The following BCL6 variants were observed in gnomAD, a reference collection of about 807,000 sequenced individuals.
BCL6 encodes B-cell lymphoma 6 protein.
In BCL6, 7 loss-of-function variants were observed where a neutral mutation model predicts 59.5. The observed-to-expected ratio is 0.12, with a 90% CI of 0.07 to 0.22. The LOEUF is 0.22. Ranked by LOEUF, BCL6 falls within the 10% of genes least tolerant of loss-of-function variation. The pLI is 1.00. For synonymous variants in BCL6, 339 were observed against 349.7 expected (o/e 0.97, Z 0.34); for missense variants, 685 against 939.4 (o/e 0.73, Z 3.54).
chr3:187,740,090 A>C (rs1711534146), intron 1 of BCL6, among the ~76,000 whole-genome samples: 1 of 152,192 alleles, frequency 6.6e-6, no homozygotes, highest in Non-Finnish European at 1.5e-5. Context: ...CTCCCCCTGC[A>C]GAGCGCGCCT....
At chr3:187,745,078 TG>T (rs1711864300) in intron 1 of BCL6, among the ~76,000 whole-genome samples, 1 of 150,606 alleles carries the variant, frequency 6.6e-6, no homozygotes, top group Admixed American at 6.6e-5. Flanking sequence ...CAAGGGAGGG[TG>T]GCAAAAGCCT....
Position 187,725,174 on chromosome 3 carries a change from C to T in BCL6, c.1840-96G>A, listed in dbSNP as rs778900018. The T allele has an allele frequency of 5.2e-6, 8 of 1,536,348 alleles. No homozygotes were observed. The African/African-American group carries it at 6.8e-5, about 13-fold the overall frequency. On this transcript the variant is annotated intron_variant, in intron 8 of 9. Transcript: ENST00000406870. The surrounding 1 kb of genome is among the most constrained non-coding windows in gnomAD (Gnocchi z 4.7). Reference sequence around the variant, plus strand: ...ACACAGCCAGTGAGTGGGCCTTTCTCCAGGCCACTCTGCTCACCTGCACAC... The same window carrying T: ...ACACAGCCAGTGAGTGGGCCTTTCTTCAGGCCACTCTGCTCACCTGCACAC...
chr3:187,733,973 TA>T (rs893081691), intron 2 of BCL6: 11 of 453,450 alleles, frequency 2.4e-5, no homozygotes, highest in African/African-American at 1.8e-4. Flanking sequence ...TTTTCCCACA[TA>T]CCAAATACTC....
chr3:187,736,593 T>C (rs1719292555), intron 1 of BCL6: 1 of 152,222 alleles, frequency 6.6e-6, no homozygotes, highest in Admixed American at 6.5e-5. Context: ...AGATGCGGAT[T>C]GAAACAAACA....
chr3:187,743,146 C>T (rs958964756), intron 1 of BCL6, among the ~76,000 whole-genome samples: 15 of 152,122 alleles, frequency 9.9e-5, no homozygotes, highest in African/African-American at 3.6e-4. Context: ...CTAAACAGCC[C>T]TTTCCCTGGT....
At position 187,744,813 on chromosome 3, in the gene BCL6, C is replaced by G. The variant is rs185703861; in HGVS notation, c.-50+597G>C. Among the ~76,000 whole-genome samples the G allele has an allele frequency of 4.0e-5, 6 of 151,866 alleles. No homozygotes were observed. The East Asian group carries it at 5.8e-4, about 15-fold the overall frequency. ...GAAGCGGAGGCCAGGAGCGACGGAG[C>G]AAGGAAAGCAGTTTGCAAGCGAGAA... On this transcript the variant is annotated intron_variant, in intron 1 of 9. Transcript: ENST00000406870.
chr3:187,731,630 G>T, intron 4 of BCL6, 79 bp downstream of exon 4: 4 of 1,380,404 alleles, frequency 2.9e-6, no homozygotes, highest in Admixed American at 1.8e-5. Flanking sequence ...TATTTTTTCT[G>T]TATGCATGAA....
At chr3:187,736,548 C>T (rs892378249) in intron 1 of BCL6, 3 of 152,194 alleles carry the variant, frequency 2.0e-5, no homozygotes, top group Non-Finnish European at 4.4e-5. Flanking sequence ...CCCAGATTTG[C>T]CATTTCACCA....
intron 1 of BCL6, among the ~76,000 whole-genome samples, chr3:187,744,886 T>A (rs116216672): frequency 8.5e-5 from 13 of 152,052 alleles, no homozygotes; most frequent in South Asian, 4.2e-4. Flanking sequence ...TCACAAGCCG[T>A]ACGCAAGCAG....
At position 187,725,132 on chromosome 3, in the gene BCL6, G is replaced by A; in HGVS notation, c.1840-54C>T. ...TTCTGGGGTGGGCTGCAGGCCTCTGGGCAGCCCCTCATTAGCACACAGCCA... is the reference window on the plus strand; with the variant it reads ...TTCTGGGGTGGGCTGCAGGCCTCTGAGCAGCCCCTCATTAGCACACAGCCA... On this transcript the variant is annotated intron_variant, in intron 8 of 9. Transcript: ENST00000406870. This position sits in a 1 kb window ranked among gnomAD's most constrained non-coding sequence, Gnocchi z 4.7. The A allele has an allele frequency of 6.2e-7, 1 of 1,608,640 alleles. No homozygotes were observed. The highest frequency in any genetic ancestry group is 8.5e-7 in the Non-Finnish European group (1 of 1,177,194).
Position 187,725,016 on chromosome 3 carries a change from G to A in BCL6, c.1902C>T (p.Ile634=). 1 of 1,614,256 alleles carries A rather than the reference G, an allele frequency of 6.2e-7. No individual in the cohort carries two copies. The highest frequency in any genetic ancestry group is 8.5e-7 in the Non-Finnish European group (1 of 1,180,034). Residue 634 remains isoleucine (I), a synonymous_variant, in exon 9 of 10, where the codon ATC becomes ATT. Transcript: ENST00000406870. The surrounding 1 kb of genome is among the most constrained non-coding windows in gnomAD (Gnocchi z 4.7). The part of the protein sequence containing the change: ...HTGEKPYPCE[I]CGTRFRHLQT... Reference sequence around the variant, plus strand: ...GAAGGTGCCGGAAACGGGTGCCACAGATTTCACAGGGATAGGGCTTCTCAC... The same window carrying A: ...GAAGGTGCCGGAAACGGGTGCCACAAATTTCACAGGGATAGGGCTTCTCAC...
chr3:187,724,820 C>CT (rs1718590485), intron 9 of BCL6, 121 bp downstream of exon 9: 12 of 1,416,184 alleles, frequency 8.5e-6, no homozygotes, highest in Non-Finnish European at 1.1e-5. Flanking sequence ...CCACTGTGTG[C>CT]TTGAGATGGG....
chr3:187,736,090 C>T (rs913132022), intron 1 of BCL6: 1 of 152,168 alleles, frequency 6.6e-6, no homozygotes, highest in Non-Finnish European at 1.5e-5. Context: ...TGAGTCTTAC[C>T]AAATGAGCAC....
At chr3:187,728,215 G>A (rs1231515561) in intron 6 of BCL6, 145 bp downstream of exon 6, 21 of 859,396 alleles carry the variant, frequency 2.4e-5, no homozygotes, top group East Asian at 6.0e-5. Flanking sequence ...TGGGATGAAC[G>A]GCTGGTGACT....
chr3:187,727,045 C>A, intron 6 of BCL6, 147 bp from the exon 7 acceptor site: 1 of 867,462 alleles, frequency 1.2e-6, no homozygotes. Context: ...GAGCTCGGAG[C>A]AAAGGATCTG....
chr3:187,744,451 C>T (rs185189759), intron 1 of BCL6, among the ~76,000 whole-genome samples: 4 of 152,218 alleles, frequency 2.6e-5, no homozygotes, highest in South Asian at 2.1e-4. Context: ...GTTCAACATC[C>T]CCGCCCCCAA....
intron 1 of BCL6, among the ~76,000 whole-genome samples, chr3:187,744,244 C>G (rs1711760046): frequency 6.6e-6 from 1 of 152,298 alleles, no homozygotes; most frequent in South Asian, 2.1e-4. Flanking sequence ...CTTTCTCGTT[C>G]TCCCAGGCTG....
chr3:187,721,570 C>T lies in BCL6; in HGVS notation c.*888G>A, dbSNP rs1473712495. On this transcript the variant is annotated 3_prime_UTR_variant, in exon 10 of 10. Coordinates refer to ENST00000406870, the MANE Select transcript of BCL6 (RefSeq NM_001706.5). This position sits in a 1 kb window ranked among gnomAD's most constrained non-coding sequence, Gnocchi z 4.2. ...CTTCAAGTCCCTGTGTCTGCCTACA[C>T]TTCAAAAAGGGATGGTGCACGCTCG... 1 of 233,336 alleles carries T rather than the reference C, an allele frequency of 4.3e-6. No homozygotes were observed. The highest frequency in any genetic ancestry group is 6.0e-5 in the East Asian group (1 of 16,544). The allele number at this position is 233,336 out of a possible 1,614,324, so 14.5% of individuals were successfully genotyped here.
chr3:187,726,946 G>C, intron 6 of BCL6, 48 bp from the exon 7 acceptor site: 2 of 1,601,404 alleles, frequency 1.2e-6, no homozygotes, highest in South Asian at 1.1e-5. Context: ...GAGGAAGGGA[G>C]GTAGGGCTCT....
Sources: allele counts gnomAD v4.1 joint callset (sites outside exome capture counted in the v4.1 genomes callset), GRCh38; gene constraint gnomAD v4.1.1; non-coding constraint Gnocchi (gnomAD v3.1); transcripts MANE v1.5; gene names NCBI Gene and HGNC (gene_info 2026-07-23, HGNC 2026-07-21).